COMMD10: variants seen among roughly 807,000 people sequenced by gnomAD.
COMMD10 encodes COMM domain-containing protein 10.
In COMMD10, 33 loss-of-function variants were observed where a neutral mutation model predicts 28.9. The observed-to-expected ratio is 1.14, with a 90% CI of 0.87 to 1.53. COMMD10 has a LOEUF of 1.53. Ranked by LOEUF, COMMD10 falls within the 40% of genes most tolerant of loss-of-function variation. The pLI is 0.00. For synonymous variants in COMMD10, 110 were observed against 81.7 expected, an observed-to-expected ratio of 1.35 and a Z score of -1.87; for missense variants, 310 against 233.4, an observed-to-expected ratio of 1.33 and a Z score of -2.14.
At chr5:116,178,816 G>A (rs1460552843) in intron 5 of COMMD10, among the ~76,000 whole-genome samples, 1 of 152,112 alleles carries the variant, frequency 6.6e-6, no homozygotes, top group South Asian at 2.1e-4. Context: ...GTGGTTAGCT[G>A]TAGTTGATGC....
At chr5:116,254,454 T>C (rs1750219441) in intron 5 of COMMD10, among the ~76,000 whole-genome samples, 1 of 151,394 alleles carries the variant, frequency 6.6e-6, no homozygotes, top group Non-Finnish European at 1.5e-5. Flanking sequence ...AATTTCCCTC[T>C]ACACACTGCT....
intron 5 of COMMD10, among the ~76,000 whole-genome samples, chr5:116,200,552 A>G (rs922312346): frequency 6.6e-6 from 1 of 151,514 alleles, no homozygotes; most frequent in African/African-American, 2.4e-5. Flanking sequence ...AATTTTTATC[A>G]CACATACGTT....
At chr5:116,107,121 A>T (rs1209437649) in intron 4 of COMMD10, among the ~76,000 whole-genome samples, 1 of 148,378 alleles carries the variant, frequency 6.7e-6, no homozygotes, top group African/African-American at 2.5e-5. Flanking sequence ...TTTTTCCTTT[A>T]TTTCCACCTT....
chr5:116,153,168 A>G (rs901078862), intron 5 of COMMD10, among the ~76,000 whole-genome samples: 1 of 152,134 alleles, frequency 6.6e-6, no homozygotes, highest in South Asian at 2.1e-4. Context: ...TTGGAGATGG[A>G]CAGATCTTAC....
intron 5 of COMMD10, among the ~76,000 whole-genome samples, chr5:116,157,946 T>TG (rs1484495173): frequency 6.6e-6 from 1 of 150,954 alleles, no homozygotes; most frequent in African/African-American, 2.5e-5. Flanking sequence ...TTACTTTTTT[T>TG]TTTTTTTTAG....
At chr5:116,185,912 G>T (rs1748120444) in intron 5 of COMMD10, among the ~76,000 whole-genome samples, 1 of 151,920 alleles carries the variant, frequency 6.6e-6, no homozygotes, top group Admixed American at 6.6e-5. Context: ...AGTCTTCTCT[G>T]TACCAACCAG....
At chr5:116,121,487 G>T (rs967627792) in intron 4 of COMMD10, among the ~76,000 whole-genome samples, 3 of 152,134 alleles carry the variant, frequency 2.0e-5, no homozygotes, top group South Asian at 4.1e-4. Flanking sequence ...AATCCTTTGG[G>T]TATATACCCA....
At chr5:116,142,260 A>G (rs934563408) in intron 5 of COMMD10, among the ~76,000 whole-genome samples, 2 of 151,982 alleles carry the variant, frequency 1.3e-5, no homozygotes, top group East Asian at 1.9e-4. Context: ...TGACTGCATT[A>G]TGTTATGGCT....
chr5:116,110,794 C>G (rs953191384), intron 4 of COMMD10, among the ~76,000 whole-genome samples: 1 of 152,048 alleles, frequency 6.6e-6, no homozygotes, highest in Admixed American at 6.5e-5. Flanking sequence ...AGAGCAGGAA[C>G]AAGAGAGGAA....
At chr5:116,177,641 A>G (rs1325482553) in intron 5 of COMMD10, among the ~76,000 whole-genome samples, 2 of 151,548 alleles carry the variant, frequency 1.3e-5, no homozygotes, top group African/African-American at 2.4e-5. Flanking sequence ...TCTGTATTCA[A>G]TTTTTCAAAG....
intron 5 of COMMD10, among the ~76,000 whole-genome samples, chr5:116,144,415 A>C (rs973719989): frequency 2.0e-5 from 3 of 151,848 alleles, no homozygotes; most frequent in African/African-American, 7.2e-5. Flanking sequence ...TATTAACTAG[A>C]TGAAGAAACC....
chr5:116,292,237 A>C (rs1053737975), intron 6 of COMMD10, among the ~76,000 whole-genome samples: 60 of 152,126 alleles, frequency 3.9e-4, no homozygotes, highest in African/African-American at 1.4e-3. Context: ...TTCTTTGAAA[A>C]TTTGAAAACT....
At chr5:116,180,057 A>T (rs899481133) in intron 5 of COMMD10, among the ~76,000 whole-genome samples, 1 of 152,130 alleles carries the variant, frequency 6.6e-6, no homozygotes, top group South Asian at 2.1e-4. Flanking sequence ...TCAGTATTAA[A>T]GCTTACTGTA....
chr5:116,215,949 TC>T (rs1749090531), intron 5 of COMMD10, among the ~76,000 whole-genome samples: 1 of 151,830 alleles, frequency 6.6e-6, no homozygotes. Flanking sequence ...TTTTTGTCCT[TC>T]TTAATATAGA....
At position 116,191,683 on chromosome 5, in the gene COMMD10, C is replaced by G. The variant is rs542546810; in HGVS notation, c.510+57505C>G. On this transcript the variant is annotated intron_variant, in intron 5 of 6. Transcript: ENST00000274458. Reference sequence around the variant, plus strand: ...GCTCAGACATACCTAGCCCTGCCCCCACTTGATGGTCCTTCCCTACCCACC... The same window carrying G: ...GCTCAGACATACCTAGCCCTGCCCCGACTTGATGGTCCTTCCCTACCCACC... 3.9e-5 allele frequency among the ~76,000 whole-genome samples: 6 copies of G among 151,948 alleles called. No individual in the cohort carries two copies. The East Asian group carries it at 1.2e-3, about 30-fold the overall frequency.
At chr5:116,145,371 A>C (rs781047420) in intron 5 of COMMD10, among the ~76,000 whole-genome samples, 8 of 151,728 alleles carry the variant, frequency 5.3e-5, no homozygotes, top group Non-Finnish European at 1.2e-4. Flanking sequence ...GAGTAGGTGG[A>C]TAATTGGGTT....
intron 5 of COMMD10, among the ~76,000 whole-genome samples, chr5:116,163,424 A>T (rs891764388): frequency 1.4e-5 from 1 of 70,092 alleles, no homozygotes; most frequent in African/African-American, 2.0e-4. Context: ...ACCTCTACTT[A>T]AAAAAAAAAA....
At chr5:116,095,113 G>GT (rs1382640687) in intron 4 of COMMD10, among the ~76,000 whole-genome samples, 1 of 152,116 alleles carries the variant, frequency 6.6e-6, no homozygotes, top group East Asian at 1.9e-4. Flanking sequence ...TGATAGTTTA[G>GT]TATGGTGCTT....
chr5:116,232,241 T>A (rs1749546214), intron 5 of COMMD10, among the ~76,000 whole-genome samples: 1 of 152,094 alleles, frequency 6.6e-6, no homozygotes, highest in South Asian at 2.1e-4. Flanking sequence ...ATTGGCTTAC[T>A]GGGTTATGAT....
Sources: allele counts gnomAD v4.1 joint callset (sites outside exome capture counted in the v4.1 genomes callset), GRCh38; gene constraint gnomAD v4.1.1; transcripts MANE v1.5; gene names NCBI Gene and HGNC (gene_info 2026-07-23, HGNC 2026-07-21).